Variants in THSD7B observed in about 807,000 individuals in gnomAD.
THSD7B encodes the protein thrombospondin type-1 domain-containing protein 7B.
A neutral mutation model predicts 213.6 loss-of-function variants in THSD7B; 138 were observed. That is an observed-to-expected ratio of 0.65 (90% confidence interval 0.56 to 0.74). The LOEUF (loss-of-function observed/expected upper bound fraction) is 0.74, where lower values mean the gene tolerates loss of function less well. Among genes scored for constraint, THSD7B ranks in the 30% least tolerant of loss-of-function variants. The pLI is 0.00. For synonymous variants in THSD7B, 742 were observed against 687.0 expected (o/e 1.08, Z -1.25); for missense variants, 1,931 against 1,991.5 (o/e 0.97, Z 0.58).
chr2:137,522,490 T>C (rs1680203922), intron 15 of THSD7B, among the ~76,000 whole-genome samples: 1 of 152,194 alleles, frequency 6.6e-6, no homozygotes, highest in African/African-American at 2.4e-5. Context: ...GTTTCTTGAA[T>C]GAATTGCTGG....
chr2:137,345,396 T>A (rs576018495), intron 12 of THSD7B, among the ~76,000 whole-genome samples: 1 of 151,850 alleles, frequency 6.6e-6, no homozygotes, highest in African/African-American at 2.4e-5. Context: ...AGCTAGAAAT[T>A]TATGGCAAAC....
At chr2:136,950,903 A>G (rs1558864547) in intron 2 of THSD7B, among the ~76,000 whole-genome samples, 5 of 152,234 alleles carry the variant, frequency 3.3e-5, no homozygotes, top group Admixed American at 3.3e-4. Context: ...CTTTACTTCA[A>G]CTCAGATGCT....
At chr2:136,933,090 T>C (rs568720616) in intron 2 of THSD7B, among the ~76,000 whole-genome samples, 2 of 147,926 alleles carry the variant, frequency 1.4e-5, no homozygotes, top group Admixed American at 1.3e-4. Context: ...CATTTGTAGA[T>C]TATATATTTT....
At chr2:137,581,945 A>G (rs1430969393) in intron 17 of THSD7B, among the ~76,000 whole-genome samples, 1 of 151,134 alleles carries the variant, frequency 6.6e-6, no homozygotes, top group Non-Finnish European at 1.5e-5. Context: ...AAAATACAAA[A>G]ATTAGCCAGA....
chr2:136,850,191 A>G (rs373631798), intron 1 of THSD7B, among the ~76,000 whole-genome samples: 20 of 152,194 alleles, frequency 1.3e-4, no homozygotes, highest in African/African-American at 4.1e-4. Context: ...AGATTTATCT[A>G]TGTCAATAAA....
At chr2:137,338,018 A>G (rs1268039744) in intron 12 of THSD7B, among the ~76,000 whole-genome samples, 1 of 152,038 alleles carries the variant, frequency 6.6e-6, no homozygotes, top group Non-Finnish European at 1.5e-5. Flanking sequence ...TTAAAACAAC[A>G]CTGTATTTTC....
At chr2:137,304,231 C>G (rs951168203) in intron 12 of THSD7B, among the ~76,000 whole-genome samples, 1 of 151,994 alleles carries the variant, frequency 6.6e-6, no homozygotes, top group Non-Finnish European at 1.5e-5. Context: ...ACAAATGTCC[C>G]CTAAAAATCA....
At chr2:137,008,959 A>G (rs1264890552) in intron 2 of THSD7B, among the ~76,000 whole-genome samples, 1 of 152,204 alleles carries the variant, frequency 6.6e-6, no homozygotes, top group Non-Finnish European at 1.5e-5. Flanking sequence ...ATGCTTTGAC[A>G]GTCTCTAAAC....
intron 12 of THSD7B, among the ~76,000 whole-genome samples, chr2:137,368,724 A>T (rs1039847544): frequency 7.2e-5 from 11 of 152,156 alleles, no homozygotes; most frequent in African/African-American, 2.4e-4. Context: ...AAACTAATTT[A>T]CATCTCAACC....
At chr2:137,112,460 C>G (rs761868635) in intron 4 of THSD7B, among the ~76,000 whole-genome samples, 1 of 152,066 alleles carries the variant, frequency 6.6e-6, no homozygotes, top group Non-Finnish European at 1.5e-5. Context: ...GAGCTACCAA[C>G]AAGTTTTTTG....
chr2:137,468,496 T>G (rs1156597840), intron 15 of THSD7B, among the ~76,000 whole-genome samples: 3 of 151,862 alleles, frequency 2.0e-5, no homozygotes, highest in African/African-American at 7.3e-5. Context: ...GTGTCTTATC[T>G]TCTATCGCCA....
intron 15 of THSD7B, among the ~76,000 whole-genome samples, chr2:137,487,392 A>AG (rs1688482129): frequency 7.0e-6 from 1 of 143,200 alleles, no homozygotes; most frequent in Non-Finnish European, 1.5e-5. Context: ...AAAAAAAAAA[A>AG]AAAAAAAGAA....
At chr2:136,916,645 T>A (rs1684353289) in intron 2 of THSD7B, among the ~76,000 whole-genome samples, 1 of 152,238 alleles carries the variant, frequency 6.6e-6, no homozygotes, top group Non-Finnish European at 1.5e-5. Flanking sequence ...TTTTCCCCGC[T>A]GCTTCTCCCT....
intron 2 of THSD7B, among the ~76,000 whole-genome samples, chr2:136,961,453 CT>C (rs1198317270): frequency 6.6e-6 from 1 of 151,946 alleles, no homozygotes; most frequent in Non-Finnish European, 1.5e-5. Flanking sequence ...ATCTCCTGAC[CT>C]TGTGATCTGC....
At chr2:137,475,634 A>G (rs894444260) in intron 15 of THSD7B, among the ~76,000 whole-genome samples, 6 of 152,188 alleles carry the variant, frequency 3.9e-5, no homozygotes, top group African/African-American at 1.2e-4. Flanking sequence ...CTCCAGTTCC[A>G]TAGATGTTGC....
chr2:137,369,179 T>C (rs1685490679), intron 12 of THSD7B, among the ~76,000 whole-genome samples: 1 of 151,742 alleles, frequency 6.6e-6, no homozygotes, highest in South Asian at 2.1e-4. Flanking sequence ...TTTTGACAAC[T>C]TTAGACACTA....
chr2:137,045,471 G>C (rs763699715), intron 2 of THSD7B, among the ~76,000 whole-genome samples: 1 of 152,202 alleles, frequency 6.6e-6, no homozygotes, highest in Non-Finnish European at 1.5e-5. Context: ...GCAGGACAAA[G>C]TGAGACCTCA....
chr2:137,503,643 G>T (rs141873285), intron 15 of THSD7B, among the ~76,000 whole-genome samples: 2 of 152,302 alleles, frequency 1.3e-5, no homozygotes, highest in African/African-American at 2.4e-5. Context: ...CTTTCTTGAT[G>T]CATAGTGTTC....
At chr2:136,811,985 C>T (rs1682383831) in intron 1 of THSD7B, among the ~76,000 whole-genome samples, 1 of 152,156 alleles carries the variant, frequency 6.6e-6, no homozygotes, top group South Asian at 2.1e-4. Flanking sequence ...TAAGACTATG[C>T]TTTGCAGTCA....
Sources: allele counts gnomAD v4.1 joint callset (sites outside exome capture counted in the v4.1 genomes callset), GRCh38; gene constraint gnomAD v4.1.1; transcripts MANE v1.5; gene names NCBI Gene and HGNC (gene_info 2026-07-23, HGNC 2026-07-21).